The following ACSBG1 variants were observed in gnomAD, a reference collection of about 807,000 sequenced individuals.
ACSBG1 encodes long-chain-fatty-acid--CoA ligase ACSBG1.
In ACSBG1, 39 loss-of-function variants were observed where a neutral mutation model predicts 80.2. The observed-to-expected ratio is 0.49, with a 90% CI of 0.38 to 0.64. The LOEUF (loss-of-function observed/expected upper bound fraction) is 0.64, where lower values mean the gene tolerates loss of function less well. ACSBG1 is among the 30% of genes least tolerant of loss of function. ACSBG1 has a pLI of 0.00. For synonymous variants in ACSBG1, 392 were observed against 379.5 expected, an observed-to-expected ratio of 1.03 and a Z score of -0.38; for missense variants, 828 against 966.4, an observed-to-expected ratio of 0.86 and a Z score of 1.90.
chr15:78,196,963 C>G (rs58943421), intron 2 of ACSBG1, among the ~76,000 whole-genome samples: 1 of 151,676 alleles, frequency 6.6e-6, no homozygotes, highest in Non-Finnish European at 1.5e-5. Flanking sequence ...ACTTGGGAGG[C>G]TGAGGTGGGA....
chr15:78,189,115 A>G (rs1458158473), intron 5 of ACSBG1, among the ~76,000 whole-genome samples: 1 of 151,948 alleles, frequency 6.6e-6, no homozygotes, highest in Non-Finnish European at 1.5e-5. Flanking sequence ...TCAAAACCAC[A>G]ATGAGATACC....
rs1197051869 is a variant in ACSBG1, at chr15:78,170,735, G to A, written c.*709C>T. 1 of 152,380 alleles carries A rather than the reference G, an allele frequency of 6.6e-6. No homozygotes were observed. The highest frequency in any genetic ancestry group is 2.4e-5 in the African/African-American group (1 of 41,390). 9.4% of individuals were successfully genotyped at this position (152,380 alleles called of 1,614,324 possible). On this transcript the variant is annotated 3_prime_UTR_variant, in exon 14 of 14. Transcript: ENST00000258873. ...CATCCTGCACCTTTGTTTATTCCAG[G>A]GCACTAATGGTCACTCGCATGCCCG...
chr15:78,189,432 C>A (rs2075036738), intron 5 of ACSBG1, among the ~76,000 whole-genome samples: 1 of 151,472 alleles, frequency 6.6e-6, no homozygotes, highest in Non-Finnish European at 1.5e-5. Flanking sequence ...AAATGTCCAA[C>A]AATGATAGAC....
At chr15:78,228,682 C>T (rs2075423294) in intron 1 of ACSBG1, among the ~76,000 whole-genome samples, 1 of 152,170 alleles carries the variant, frequency 6.6e-6, no homozygotes, top group African/African-American at 2.4e-5. Context: ...TGTGCCTGAC[C>T]CCTTTGATCT....
intron 8 of ACSBG1, 30 bp downstream of exon 8, chr15:78,181,939 C>G: frequency 6.2e-7 from 1 of 1,605,616 alleles, no homozygotes; most frequent in East Asian, 2.2e-5. Context: ...CACACGGGCT[C>G]AGACGGACAC....
chr15:78,232,995 G>A (rs952192013), intron 1 of ACSBG1, among the ~76,000 whole-genome samples: 52 of 152,314 alleles, frequency 3.4e-4, no homozygotes, highest in Admixed American at 8.5e-4. Flanking sequence ...GACATATTTC[G>A]ATGTGCTCCT....
At position 78,194,700 on chromosome 15, in the gene ACSBG1, C is replaced by T. The variant is rs118084625; in HGVS notation, c.259G>A (p.Asp87Asn). ...TCTATGCGCAGGCGCACCCGCCCATCGGCCCGAGTCGTCCACAGCGCCTCC... is the reference window on the plus strand; with the variant it reads ...TCTATGCGCAGGCGCACCCGCCCATTGGCCCGAGTCGTCCACAGCGCCTCC... ...PEEALWTTRA[D>N]GRVRLRIDPS... Residue 87 changes from aspartate to asparagine, a missense_variant, in exon 3 of 14, where the codon GAT becomes AAT. This residue lies in a region of ACSBG1 where 356 missense variants were observed against 363.5 expected (regional missense o/e 0.98). Coordinates refer to ENST00000258873, the MANE Select transcript of ACSBG1 (RefSeq NM_015162.5). 1,418 of 1,613,112 alleles carry T rather than the reference C, an allele frequency of 8.8e-4. 7 individuals carry two copies. The East Asian group carries it at 0.013, about 15-fold the overall frequency.
rs898716918 is a variant in ACSBG1, at chr15:78,177,833, G to A, written c.1702+781C>T. On this transcript the variant is annotated intron_variant, in intron 11 of 13. Coordinates refer to ENST00000258873, the MANE Select transcript of ACSBG1 (RefSeq NM_015162.5). The surrounding 1 kb of genome is among the most constrained non-coding windows in gnomAD (Gnocchi z 4.1). ...TGCAGGATTCCCACGTGGATGCTGC[G>A]GGCATGACACCAACTTGGGTGAAGC... Among the ~76,000 whole-genome samples the A allele has an allele frequency of 2.6e-5, 4 of 152,124 alleles. No homozygotes were observed. Among genetic ancestry groups the A allele is most frequent in the African/African-American group, 7.2e-5 (3 of 41,424 alleles).
At chr15:78,217,816 C>T (rs964963472) in intron 1 of ACSBG1, among the ~76,000 whole-genome samples, 4 of 152,076 alleles carry the variant, frequency 2.6e-5, no homozygotes, top group African/African-American at 4.8e-5. Context: ...CCGCCTGCCT[C>T]GGCCTCCCAA....
At position 78,177,405 on chromosome 15, in the gene ACSBG1, T is replaced by C. The variant is rs979323921; in HGVS notation, c.1702+1209A>G. ...GGGAAAGGATGCTGTGTCCGTTGGA[T>C]ATGTATTTGGAGAAAAGCTATTTGG... On this transcript the variant is annotated intron_variant, in intron 11 of 13. Transcript: ENST00000258873. This position sits in a 1 kb window ranked among gnomAD's most constrained non-coding sequence, Gnocchi z 4.1. Among the ~76,000 whole-genome samples, 2 of 152,192 alleles carry C rather than the reference T, an allele frequency of 1.3e-5. No homozygotes were observed. Among genetic ancestry groups the C allele is most frequent in the African/African-American group, 4.8e-5 (2 of 41,446 alleles).
rs1399701754 is a variant in ACSBG1 at position 78,169,674 on chromosome 15, A to G, written c.*1770T>C. 2 of 152,214 alleles carry G rather than the reference A, an allele frequency of 1.3e-5. No homozygotes were observed. The highest frequency in any genetic ancestry group is 2.4e-5 in the African/African-American group (1 of 41,454). The allele number at this position is 152,214 out of a possible 1,614,324, so 9.4% of individuals were successfully genotyped here. A position where few individuals can be genotyped will look rare whatever the true frequency, so the allele number is the denominator to read the frequency against. On this transcript the variant is annotated 3_prime_UTR_variant, in exon 14 of 14. Coordinates refer to ENST00000258873, the MANE Select transcript of ACSBG1 (RefSeq NM_015162.5). ...TAATATATTGGATACAAAGACACAA[A>G]TGTATTGTGTGTTCAATTATTTTGT...
chr15:78,204,762 G>A (rs754436887), intron 2 of ACSBG1, among the ~76,000 whole-genome samples: 2 of 152,176 alleles, frequency 1.3e-5, no homozygotes, highest in Admixed American at 6.5e-5. Context: ...CCTGCTACCC[G>A]GCCTCAAACT....
intron 1 of ACSBG1, among the ~76,000 whole-genome samples, chr15:78,209,424 T>C (rs1377889514): frequency 2.0e-5 from 3 of 151,580 alleles, no homozygotes; most frequent in Admixed American, 6.6e-5. Context: ...TCCAGGGAGG[T>C]TGTGGAAAAA....
chr15:78,178,482 A>T lies in ACSBG1; in HGVS notation c.1702+132T>A. Reference sequence around the variant, plus strand: ...CCCAGCTAATTTTTCGTGTGTTTTTAGTAGAGATGGGGTTTCGCTGTGCTG... The same window carrying T: ...CCCAGCTAATTTTTCGTGTGTTTTTTGTAGAGATGGGGTTTCGCTGTGCTG... On this transcript the variant is annotated intron_variant, in intron 11 of 13. Coordinates refer to ENST00000258873, the MANE Select transcript of ACSBG1 (RefSeq NM_015162.5). The surrounding 1 kb of genome is among the most constrained non-coding windows in gnomAD (Gnocchi z 4.3). 1.0e-6 allele frequency: 1 copy of T among 981,216 alleles called. No individual in the cohort carries two copies. The highest frequency in any genetic ancestry group is 1.4e-6 in the Non-Finnish European group (1 of 690,864). The allele number at this position is 981,216 out of a possible 1,614,324, so 60.8% of individuals were successfully genotyped here.
At chr15:78,228,254 T>A (rs1221778178) in intron 1 of ACSBG1, among the ~76,000 whole-genome samples, 1 of 152,148 alleles carries the variant, frequency 6.6e-6, no homozygotes, top group Non-Finnish European at 1.5e-5. Flanking sequence ...CAGGGGTCTC[T>A]CACAGGACCC....
At chr15:78,226,817 C>A (rs1028595974) in intron 1 of ACSBG1, among the ~76,000 whole-genome samples, 3 of 43,542 alleles carry the variant, frequency 6.9e-5, no homozygotes, top group Admixed American at 4.5e-4. Context: ...ATATATATGA[C>A]CTTGAAATAG....
chr15:78,187,271 C>G (rs570167306), intron 5 of ACSBG1, among the ~76,000 whole-genome samples: 1 of 152,226 alleles, frequency 6.6e-6, no homozygotes, highest in Non-Finnish European at 1.5e-5. Flanking sequence ...ACCATTCCTT[C>G]TGAAACTATT....
At chr15:78,215,633 G>A (rs1432805653) in intron 1 of ACSBG1, among the ~76,000 whole-genome samples, 1 of 151,410 alleles carries the variant, frequency 6.6e-6, no homozygotes, top group Admixed American at 6.6e-5. Context: ...TCCAGCCTGG[G>A]CAACAAGAGC....
chr15:78,220,661 T>G (rs2141382999), intron 1 of ACSBG1, among the ~76,000 whole-genome samples: 1 of 152,232 alleles, frequency 6.6e-6, no homozygotes, highest in South Asian at 2.1e-4. Context: ...AGCAAAGGAT[T>G]TGAATAGACA....
Sources: gnomAD v4.1 joint callset for allele counts (sites outside exome capture counted in the v4.1 genomes callset) on GRCh38, gnomAD v4.1.1 for gene constraint, gnomAD v4.1.1 regional missense constraint, Gnocchi (gnomAD v3.1) non-coding constraint, MANE v1.5 for transcripts, NCBI Gene and HGNC (gene_info 2026-07-23, HGNC 2026-07-21) for gene names.